Variants in LMBR1 observed in about 807,000 individuals in gnomAD.
LMBR1 encodes limb development membrane protein 1, also known as limb region 1 protein homolog.
Under a neutral mutation model 73.9 loss-of-function variants are expected in LMBR1, and 52 were observed. That is an observed-to-expected ratio of 0.70 (90% CI 0.56 to 0.89). The LOEUF (loss-of-function observed/expected upper bound fraction) is 0.89. Among genes scored for constraint, LMBR1 ranks in the 40% least tolerant of loss-of-function variants. LMBR1 has a pLI of 0.00. For synonymous variants in LMBR1, 215 were observed against 209.4 expected (o/e 1.03, Z -0.23); for missense variants, 539 against 579.8 (o/e 0.93, Z 0.72).
chr7:156,695,909 A>G (rs1453031510), intron 15 of LMBR1, among the ~76,000 whole-genome samples: 1 of 151,988 alleles, frequency 6.6e-6, no homozygotes, highest in African/African-American at 2.4e-5. Context: ...TCACATTCAC[A>G]CATATGTGGA....
chr7:156,706,023 C>T (rs1810850792), intron 15 of LMBR1, among the ~76,000 whole-genome samples: 2 of 152,058 alleles, frequency 1.3e-5, no homozygotes, highest in African/African-American at 2.4e-5. Context: ...CAACCATACA[C>T]TGCTCACAAG....
chr7:156,683,911 T>C lies in LMBR1; in HGVS notation c.*167A>G, dbSNP rs1585171518. The C allele has an allele frequency of 3.2e-6, 2 of 625,190 alleles. No individual in the cohort carries two copies. Among genetic ancestry groups the C allele is most frequent in the African/African-American group, 1.8e-5 (1 of 54,774 alleles). 38.7% of individuals were successfully genotyped at this position (625,190 alleles called of 1,614,324 possible). On this transcript the variant is annotated 3_prime_UTR_variant, in exon 17 of 17. Transcript: ENST00000353442. ...ATCAGAAAGTTAAATTTAAAAAAGA[T>C]CAGCCATAGCCAAGTTCTTCGTAGA...
chr7:156,846,506 A>G (rs1415351934), intron 1 of LMBR1, among the ~76,000 whole-genome samples: 2 of 152,192 alleles, frequency 1.3e-5, no homozygotes, highest in African/African-American at 4.8e-5. Context: ...CAGAATCTGT[A>G]TAAGAAAGCT....
intron 10 of LMBR1, among the ~76,000 whole-genome samples, chr7:156,733,258 T>G (rs769161869): frequency 1.3e-5 from 2 of 152,006 alleles, no homozygotes; most frequent in Admixed American, 6.6e-5. Context: ...ATCAAAAGTT[T>G]CCAGGCATGC....
intron 4 of LMBR1, among the ~76,000 whole-genome samples, chr7:156,798,614 A>C (rs567261997): frequency 1.3e-5 from 2 of 152,310 alleles, no homozygotes; most frequent in Admixed American, 1.3e-4. Context: ...CCTGCTCAAC[A>C]GCATTTTCTC....
At position 156,685,142 on chromosome 7, in the gene LMBR1, C is replaced by T. The variant is rs1193413282; in HGVS notation, c.1388-979G>A. 1.3e-5 allele frequency among the ~76,000 whole-genome samples: 2 copies of T among 152,090 alleles called. No individual in the cohort carries two copies. The highest frequency in any genetic ancestry group is 1.3e-4 in the Admixed American group (2 of 15,264). ...TATCTCACTACCCAAAGGTATTTCA[C>T]AGAATAAAAAACTATCACTATCTTT... On this transcript the variant is annotated intron_variant, in intron 16 of 16. Coordinates refer to ENST00000353442, the MANE Select transcript of LMBR1 (RefSeq NM_022458.4). This position sits in a 1 kb window ranked among gnomAD's most constrained non-coding sequence, Gnocchi z 4.1.
At chr7:156,831,252 T>C (rs145587521) in intron 3 of LMBR1, among the ~76,000 whole-genome samples, 1 of 150,436 alleles carries the variant, frequency 6.6e-6, no homozygotes, top group African/African-American at 2.4e-5. Flanking sequence ...TCACCCCTAA[T>C]TGTATCAAGC....
intron 15 of LMBR1, among the ~76,000 whole-genome samples, chr7:156,702,804 C>T (rs773079546): frequency 2.0e-4 from 31 of 152,190 alleles, no homozygotes; most frequent in Non-Finnish European, 1.6e-4. Context: ...AAAACTTGCA[C>T]ATGAATATCT....
chr7:156,746,788 G>A (rs566028391), intron 9 of LMBR1, among the ~76,000 whole-genome samples: 8 of 152,180 alleles, frequency 5.3e-5, no homozygotes, highest in Middle Eastern at 3.4e-3. Context: ...AATGACTATC[G>A]TAAGAAATTA....
At chr7:156,832,696 CAG>C (rs1311484543) in intron 3 of LMBR1, among the ~76,000 whole-genome samples, 1 of 152,216 alleles carries the variant, frequency 6.6e-6, no homozygotes, top group East Asian at 1.9e-4. Context: ...TGAAAGCACA[CAG>C]AATCTTTCTC....
chr7:156,797,608 G>C (rs1045020778), intron 4 of LMBR1, among the ~76,000 whole-genome samples: 3 of 152,216 alleles, frequency 2.0e-5, no homozygotes, highest in Non-Finnish European at 2.9e-5. Context: ...AGTGGGCACA[G>C]GGAGCAGAGC....
chr7:156,892,624 G>A (rs923185976), intron 1 of LMBR1: 63 of 276,434 alleles, frequency 2.3e-4, no homozygotes, highest in African/African-American at 1.3e-3. Flanking sequence ...GGGCAGCACC[G>A]AGGCCGCGGG....
At position 156,678,374 on chromosome 7, in the gene LMBR1, G is replaced by C. The variant is rs1054845122; in HGVS notation, c.*5704C>G. 6.6e-6 allele frequency: 1 copy of C among 152,180 alleles called. No individual in the cohort carries two copies. Among genetic ancestry groups the C allele is most frequent in the Non-Finnish European group, 1.5e-5 (1 of 68,044 alleles). 9.4% of individuals were successfully genotyped at this position (152,180 alleles called of 1,614,324 possible). ...GCCTGTGACAGTTAACAGAAAATCA[G>C]GCAATTTTCTTACTGAAAAGTGGCC... On this transcript the variant is annotated 3_prime_UTR_variant, in exon 17 of 17. Transcript: ENST00000353442.
At chr7:156,726,121 G>A in intron 12 of LMBR1, 1 of 268,660 alleles carries the variant, frequency 3.7e-6, no homozygotes, top group East Asian at 6.9e-5. Context: ...GTTATAAAAT[G>A]GGGCAACTTG....
At chr7:156,836,737 A>T (rs1837702058) in intron 2 of LMBR1, 76 bp downstream of exon 2, 13 of 908,846 alleles carry the variant, frequency 1.4e-5, no homozygotes, top group Non-Finnish European at 2.0e-5. Context: ...ACTGAAGTGT[A>T]CTAATATATC....
intron 1 of LMBR1, among the ~76,000 whole-genome samples, chr7:156,872,622 G>A (rs1317786679): frequency 6.6e-6 from 1 of 151,864 alleles, no homozygotes; most frequent in Non-Finnish European, 1.5e-5. Flanking sequence ...ACTCCAGCCT[G>A]GGTAACAAGA....
intron 15 of LMBR1, among the ~76,000 whole-genome samples, chr7:156,711,217 G>A (rs913645048): frequency 6.6e-6 from 1 of 152,132 alleles, no homozygotes; most frequent in Non-Finnish European, 1.5e-5. Flanking sequence ...GGCTGAGGCA[G>A]GAGAATCGCT....
intron 1 of LMBR1, among the ~76,000 whole-genome samples, chr7:156,876,996 C>CAA (rs892919376): frequency 1.5e-4 from 22 of 151,484 alleles, no homozygotes; most frequent in Non-Finnish European, 3.2e-4. Context: ...GAAACTGAAA[C>CAA]AAACAAACAA....
intron 15 of LMBR1, among the ~76,000 whole-genome samples, chr7:156,688,776 T>C (rs1390553541): frequency 1.3e-5 from 2 of 152,136 alleles, no homozygotes; most frequent in Non-Finnish European, 2.9e-5. Context: ...ATACATAGAC[T>C]ATTTTTTTTT....
Sources: gnomAD v4.1 joint callset for allele counts (sites outside exome capture counted in the v4.1 genomes callset) on GRCh38, gnomAD v4.1.1 for gene constraint, Gnocchi (gnomAD v3.1) non-coding constraint, MANE v1.5 for transcripts, NCBI Gene and HGNC (gene_info 2026-07-23, HGNC 2026-07-21) for gene names.